The following GMDS variants were observed in gnomAD, a reference collection of about 807,000 sequenced individuals.
GMDS encodes GDP-mannose 4,6 dehydratase.
In GMDS, 20 loss-of-function variants were observed where a neutral mutation model predicts 49.9. The observed-to-expected ratio is 0.40, with a 90% CI of 0.28 to 0.58. The LOEUF (loss-of-function observed/expected upper bound fraction) is 0.58, where lower values mean the gene tolerates loss of function less well. GMDS is among the 20% of genes least tolerant of loss of function. The probability of loss-of-function intolerance (pLI) is 0.42; values close to 1 mark genes in which losing one functional copy is unlikely to be tolerated. For synonymous variants in GMDS, 177 were observed against 178.6 expected (o/e 0.99, Z 0.07); for missense variants, 362 against 481.4 (o/e 0.75, Z 2.32).
chr6:2,120,625 C>T (rs944619851), intron 2 of GMDS, among the ~76,000 whole-genome samples: 4 of 152,110 alleles, frequency 2.6e-5, no homozygotes, highest in African/African-American at 7.2e-5. Flanking sequence ...TTAAAGGGTT[C>T]AACATTGTCT....
At chr6:2,032,180 T>G (rs1466704483) in intron 4 of GMDS, among the ~76,000 whole-genome samples, 1 of 152,196 alleles carries the variant, frequency 6.6e-6, no homozygotes, top group Non-Finnish European at 1.5e-5. Flanking sequence ...AGACATATAC[T>G]GTGAACTGTT....
chr6:2,192,424 C>A (rs1779071453), intron 1 of GMDS, among the ~76,000 whole-genome samples: 1 of 152,198 alleles, frequency 6.6e-6, no homozygotes, highest in Non-Finnish European at 1.5e-5. Flanking sequence ...AATGGCAAGG[C>A]TAAAAGAGCT....
At chr6:1,940,121 T>C (rs1352144886) in intron 6 of GMDS, among the ~76,000 whole-genome samples, 2 of 152,246 alleles carry the variant, frequency 1.3e-5, no homozygotes, top group African/African-American at 4.8e-5. Flanking sequence ...ATATTTCCTA[T>C]GGCCCTGTGG....
chr6:1,849,245 G>A (rs1470575168), intron 7 of GMDS, among the ~76,000 whole-genome samples: 2 of 152,172 alleles, frequency 1.3e-5, no homozygotes, highest in East Asian at 3.8e-4. Context: ...AATGCTAGAT[G>A]CTTAATAAAC....
At position 1,881,853 on chromosome 6, in the gene GMDS, C is replaced by G. The variant is rs551498441; in HGVS notation, c.771+48250G>C. Among the ~76,000 whole-genome samples the G allele has an allele frequency of 4.6e-5, 7 of 152,300 alleles. No individual in the cohort carries two copies. The South Asian group carries it at 8.3e-4, about 18-fold the overall frequency. On this transcript the variant is annotated intron_variant, in intron 7 of 10. Coordinates refer to ENST00000380815, the MANE Select transcript of GMDS (RefSeq NM_001500.4). ...AAGATCTGGCAAGATGACCAACAGT[C>G]AGCGAGAGATCTGGTAAGAATTACC...
At chr6:2,213,343 TA>T (rs776157271) in intron 1 of GMDS, among the ~76,000 whole-genome samples, 2 of 152,230 alleles carry the variant, frequency 1.3e-5, no homozygotes, top group Non-Finnish European at 2.9e-5. Context: ...TGTCATTTAC[TA>T]ATGGTGGGAC....
At position 1,640,094 on chromosome 6, in the gene GMDS, C is replaced by T. The variant is rs947242254; in HGVS notation, c.988-15554G>A. Among the ~76,000 whole-genome samples, 44 of 152,162 alleles carry T rather than the reference C, an allele frequency of 2.9e-4. No homozygotes were observed. The highest frequency in any genetic ancestry group is 8.0e-4 in the African/African-American group (33 of 41,420). Reference sequence around the variant, plus strand: ...GCTCCTGCCACTGCACAGTCAGTGACGGCTCTACTGGGGCCCAGGGGATGC... The same window carrying T: ...GCTCCTGCCACTGCACAGTCAGTGATGGCTCTACTGGGGCCCAGGGGATGC... On this transcript the variant is annotated intron_variant, in intron 9 of 10. Coordinates refer to ENST00000380815, the MANE Select transcript of GMDS (RefSeq NM_001500.4). This position sits in a 1 kb window ranked among gnomAD's most constrained non-coding sequence, Gnocchi z 4.0.
intron 1 of GMDS, among the ~76,000 whole-genome samples, chr6:2,212,790 GCAGCTCGA>G (rs1780133141): frequency 1.3e-5 from 2 of 151,192 alleles, no homozygotes; most frequent in South Asian, 4.2e-4. Context: ...TTTCACATGT[GCAGCTCGA>G]CATGGATTCT....
At chr6:1,700,190 T>C (rs763346898) in intron 9 of GMDS, among the ~76,000 whole-genome samples, 19 of 152,366 alleles carry the variant, frequency 1.2e-4, no homozygotes, top group Middle Eastern at 3.4e-3. Flanking sequence ...AAAGTCTTCA[T>C]GCTTCTTCTA....
At chr6:1,775,273 C>A (rs896576207) in intron 7 of GMDS, among the ~76,000 whole-genome samples, 2 of 152,146 alleles carry the variant, frequency 1.3e-5, no homozygotes, top group African/African-American at 2.4e-5. Flanking sequence ...TTTGGAGATA[C>A]TGGAAGAGCC....
intron 1 of GMDS, among the ~76,000 whole-genome samples, chr6:2,241,470 T>G (rs189027658): frequency 1.5e-3 from 222 of 152,300 alleles, no homozygotes; most frequent in South Asian, 2.9e-3. Flanking sequence ...GTTTGGATCT[T>G]TGACCCCTCC....
intron 7 of GMDS, among the ~76,000 whole-genome samples, chr6:1,875,818 G>A (rs1332838737): frequency 2.6e-5 from 4 of 151,762 alleles, no homozygotes; most frequent in African/African-American, 4.8e-5. Context: ...CTGAGGTCAC[G>A]AGTTTGAGAC....
At chr6:1,966,157 A>G (rs1265486435) in intron 4 of GMDS, among the ~76,000 whole-genome samples, 1 of 152,012 alleles carries the variant, frequency 6.6e-6, no homozygotes, top group African/African-American at 2.4e-5. Context: ...AACCCCCAAA[A>G]CTAAACCATA....
At chr6:2,082,289 T>G (rs893436083) in intron 4 of GMDS, among the ~76,000 whole-genome samples, 1 of 152,172 alleles carries the variant, frequency 6.6e-6, no homozygotes, top group African/African-American at 2.4e-5. Flanking sequence ...GCACTTCAAG[T>G]ATTTTCTTTT....
chr6:2,096,515 GA>G (rs954890336), intron 4 of GMDS, among the ~76,000 whole-genome samples: 1 of 152,086 alleles, frequency 6.6e-6, no homozygotes, highest in African/African-American at 2.4e-5. Context: ...TAATGTAGTG[GA>G]AAGGACTACA....
intron 4 of GMDS, among the ~76,000 whole-genome samples, chr6:2,003,664 T>C (rs1024252634): frequency 8.5e-5 from 13 of 152,186 alleles, no homozygotes; most frequent in African/African-American, 2.4e-4. Context: ...AGCAGTTAAA[T>C]TGGAGTACAA....
intron 9 of GMDS, among the ~76,000 whole-genome samples, chr6:1,717,830 C>T (rs967537823): frequency 1.3e-5 from 2 of 152,014 alleles, no homozygotes; most frequent in Non-Finnish European, 2.9e-5. Flanking sequence ...TTATAAAAGC[C>T]CTTTCATCTT....
chr6:1,772,933 T>C (rs903256616), intron 7 of GMDS, among the ~76,000 whole-genome samples: 3 of 152,242 alleles, frequency 2.0e-5, no homozygotes, highest in Non-Finnish European at 4.4e-5. Flanking sequence ...AGCAGTTAAC[T>C]GTCATTAGCT....
At chr6:1,854,293 G>A (rs1757845674) in intron 7 of GMDS, among the ~76,000 whole-genome samples, 2 of 152,138 alleles carry the variant, frequency 1.3e-5, no homozygotes, top group Non-Finnish European at 2.9e-5. Context: ...TTACCTTAAT[G>A]GCATTATTTT....
Sources: allele counts gnomAD v4.1 joint callset (sites outside exome capture counted in the v4.1 genomes callset), GRCh38; gene constraint gnomAD v4.1.1; non-coding constraint Gnocchi (gnomAD v3.1); transcripts MANE v1.5; gene names NCBI Gene and HGNC (gene_info 2026-07-23, HGNC 2026-07-21).